TRABD2B: variants seen among roughly 807,000 people sequenced by gnomAD.
The protein encoded by TRABD2B is metalloprotease TIKI2.
In TRABD2B, 14 loss-of-function variants were observed where a neutral mutation model predicts 40.1. The ratio of observed to expected loss-of-function variants is 0.35; its 90% CI spans 0.23 to 0.55. TRABD2B has a LOEUF of 0.55. Among genes scored for constraint, TRABD2B ranks in the 20% least tolerant of loss-of-function variants. The pLI is 0.90. For missense variants in TRABD2B, 541 were observed against 648.6 expected (o/e 0.83, Z 1.80); for synonymous variants, 263 against 277.0 (o/e 0.95, Z 0.50).
In TRABD2B at chr1:47,930,422, A is replaced by AGC. The variant is rs1336007647; in HGVS notation, c.666+63610_666+63611dup. ...TCTTGGCTGACTCCAGCTACTCCTCAGCGCCACATCCTGGAGCAGAACAAG... is the reference window on the plus strand; with the variant it reads ...TCTTGGCTGACTCCAGCTACTCCTCAGCGCGCCACATCCTGGAGCAGAACAAG... On this transcript the variant is annotated intron_variant, in intron 2 of 6. Transcript: ENST00000606738. 3.3e-5 allele frequency among the ~76,000 whole-genome samples: 5 copies of AGC among 152,272 alleles called. No individual in the cohort carries two copies. In the East Asian group the frequency reaches 9.7e-4, roughly 29 times the overall value.
intron 2 of TRABD2B, among the ~76,000 whole-genome samples, chr1:47,807,246 G>A (rs1219927746): frequency 6.6e-6 from 1 of 152,202 alleles, no homozygotes; most frequent in Non-Finnish European, 1.5e-5. Context: ...TATGCTGCCT[G>A]GAATGATTGA....
rs1485684127 is a variant in TRABD2B at position 47,764,195 on chromosome 1, G to A, written c.*1707C>T. ...CAAGCCTGCCAGGGAAACCCACGAA[G>A]CTATAAAGTTGGGGTGCACTGGGCT... is the stretch of plus-strand genomic sequence containing the variant. On this transcript the variant is annotated 3_prime_UTR_variant, in exon 7 of 7. Coordinates refer to ENST00000606738, the MANE Select transcript of TRABD2B (RefSeq NM_001194986.2). 4 of 152,274 alleles carry A rather than the reference G, an allele frequency of 2.6e-5. No individual in the cohort carries two copies. The highest frequency in any genetic ancestry group is 9.6e-5 in the African/African-American group (4 of 41,458). The allele number at this position is 152,274 out of a possible 1,614,324, so 9.4% of individuals were successfully genotyped here.
intron 6 of TRABD2B, among the ~76,000 whole-genome samples, chr1:47,771,254 A>G (rs954041348): frequency 6.6e-6 from 1 of 152,172 alleles, no homozygotes; most frequent in African/African-American, 2.4e-5. Flanking sequence ...AGCTCTAGCC[A>G]TCTGCTCAAA....
At chr1:47,781,334 G>C (rs930387767) in intron 4 of TRABD2B, among the ~76,000 whole-genome samples, 8 of 152,194 alleles carry the variant, frequency 5.3e-5, no homozygotes, top group Non-Finnish European at 1.0e-4. Flanking sequence ...CCCTGCCTCG[G>C]GCTGTACAGG....
intron 2 of TRABD2B, among the ~76,000 whole-genome samples, chr1:47,966,973 C>G (rs748655456): frequency 1.4e-5 from 2 of 141,820 alleles, no homozygotes; most frequent in Admixed American, 6.9e-5. Flanking sequence ...TTCAAATACA[C>G]AGTTTAGTGT....
chr1:47,974,887 T>C (rs1039076058), intron 2 of TRABD2B, among the ~76,000 whole-genome samples: 1 of 152,210 alleles, frequency 6.6e-6, no homozygotes, highest in Non-Finnish European at 1.5e-5. Flanking sequence ...GTGAGGAGAA[T>C]AGCACTTTGC....
intron 2 of TRABD2B, among the ~76,000 whole-genome samples, chr1:47,954,218 C>A (rs1173225654): frequency 1.3e-5 from 2 of 152,000 alleles, no homozygotes; most frequent in Non-Finnish European, 2.9e-5. Flanking sequence ...GGGGTATGTT[C>A]CCCAAATTGG....
At chr1:47,857,367 T>C (rs1643903204) in intron 2 of TRABD2B, among the ~76,000 whole-genome samples, 1 of 152,152 alleles carries the variant, frequency 6.6e-6, no homozygotes, top group African/African-American at 2.4e-5. Context: ...TTAGGCACAA[T>C]GAGCCGGGCC....
intron 2 of TRABD2B, among the ~76,000 whole-genome samples, chr1:47,847,708 G>A (rs987962986): frequency 6.6e-6 from 1 of 152,184 alleles, no homozygotes; most frequent in Non-Finnish European, 1.5e-5. Context: ...ACTCAACTAG[G>A]TTGTGCACAG....
intron 4 of TRABD2B, among the ~76,000 whole-genome samples, chr1:47,791,439 CA>C (rs1386352874): frequency 6.6e-6 from 1 of 152,214 alleles, no homozygotes; most frequent in Non-Finnish European, 1.5e-5. Context: ...CATGAGCAGA[CA>C]CATGCCTGGG....
intron 2 of TRABD2B, among the ~76,000 whole-genome samples, chr1:47,902,505 CTT>C (rs1644615175): frequency 1.3e-5 from 2 of 152,160 alleles, no homozygotes; most frequent in South Asian, 2.1e-4. Context: ...GATGGAAATT[CTT>C]TCTTTAAGAG....
intron 2 of TRABD2B, among the ~76,000 whole-genome samples, chr1:47,890,111 C>T (rs1356905602): frequency 6.6e-6 from 1 of 152,196 alleles, no homozygotes; most frequent in Non-Finnish European, 1.5e-5. Flanking sequence ...TGTCACTCTG[C>T]TTTGTACACT....
At chr1:47,861,241 G>A (rs2352871) in intron 2 of TRABD2B, among the ~76,000 whole-genome samples, 51,973 of 151,550 alleles carry the variant, frequency 0.34, 9,090 homozygotes, top group Non-Finnish European at 0.37. Context: ...GAGACATTCA[G>A]CAACACCTAG....
At chr1:47,789,444 C>T (rs1185029503) in intron 4 of TRABD2B, among the ~76,000 whole-genome samples, 5 of 152,130 alleles carry the variant, frequency 3.3e-5, no homozygotes, top group South Asian at 2.1e-4. Flanking sequence ...GGCTCTGATG[C>T]GACTTTATCA....
intron 2 of TRABD2B, among the ~76,000 whole-genome samples, chr1:47,807,987 T>G (rs933255364): frequency 6.6e-6 from 1 of 152,234 alleles, no homozygotes; most frequent in African/African-American, 2.4e-5. Flanking sequence ...TCAACTTGGT[T>G]AGGCCACGCT....
At chr1:47,970,070 G>T (rs1380758348) in intron 2 of TRABD2B, among the ~76,000 whole-genome samples, 1 of 152,116 alleles carries the variant, frequency 6.6e-6, no homozygotes, top group African/African-American at 2.4e-5. Flanking sequence ...CTCATTTTAA[G>T]AGCTCAGCAA....
At chr1:47,824,991 C>T (rs752742018) in intron 2 of TRABD2B, among the ~76,000 whole-genome samples, 13 of 152,192 alleles carry the variant, frequency 8.5e-5, no homozygotes, top group South Asian at 2.1e-4. Context: ...GAAGTCCCTG[C>T]GACGAGGATG....
chr1:47,818,408 G>C (rs920879252), intron 2 of TRABD2B, among the ~76,000 whole-genome samples: 1 of 152,222 alleles, frequency 6.6e-6, no homozygotes, highest in Non-Finnish European at 1.5e-5. Context: ...TGACAGGAGT[G>C]GGGTGTTCAC....
In TRABD2B at chr1:47,996,805, G is replaced by T; in HGVS notation, c.-16C>A. On this transcript the variant is annotated 5_prime_UTR_variant, in exon 1 of 7. Coordinates refer to ENST00000606738, the MANE Select transcript of TRABD2B (RefSeq NM_001194986.2). This position sits in a 1 kb window ranked among gnomAD's most constrained non-coding sequence, Gnocchi z 4.6. ...CGGCGTGCATCCTGCCAGGGCCCGC[G>T]GGGCGCGGGGGACCCTCCTGGGCGG... 8.4e-7 allele frequency: 1 copy of T among 1,186,614 alleles called. No homozygotes were observed. The highest frequency in any genetic ancestry group is 4.2e-5 in the South Asian group (1 of 23,938). 73.5% of individuals were successfully genotyped at this position (1,186,614 alleles called of 1,614,324 possible). A position where few individuals can be genotyped will look rare whatever the true frequency, so the allele number is the denominator to read the frequency against.
Sources: gnomAD v4.1 joint callset for allele counts (sites outside exome capture counted in the v4.1 genomes callset) on GRCh38, gnomAD v4.1.1 for gene constraint, Gnocchi (gnomAD v3.1) non-coding constraint, MANE v1.5 for transcripts, NCBI Gene and HGNC (gene_info 2026-07-23, HGNC 2026-07-21) for gene names.